Variants in PIKFYVE observed in about 807,000 individuals in gnomAD.
PIKFYVE encodes 1-phosphatidylinositol 3-phosphate 5-kinase.
Under a neutral mutation model 257.9 loss-of-function variants are expected in PIKFYVE, and 122 were observed. That is an observed-to-expected ratio of 0.47 (90% CI 0.41 to 0.55). PIKFYVE has a LOEUF of 0.55. Among genes scored for constraint, PIKFYVE ranks in the 20% least tolerant of loss-of-function variants. The pLI is 0.00. For missense variants in PIKFYVE, 2,160 were observed against 2,536.6 expected (o/e 0.85, Z 3.19); for synonymous variants, 892 against 868.9 (o/e 1.03, Z -0.47).
chr2:208,313,613 C>G (rs928470743), intron 13 of PIKFYVE, among the ~76,000 whole-genome samples: 1 of 144,994 alleles, frequency 6.9e-6, no homozygotes, highest in African/African-American at 2.6e-5. Context: ...GATGGAGTCT[C>G]GCTCTGTCAC....
In PIKFYVE at chr2:208,357,657, G is replaced by A. The variant is rs1311475250; in HGVS notation, c.*2352G>A. 1 of 152,182 alleles carries A rather than the reference G, an allele frequency of 6.6e-6. No homozygotes were observed. The highest frequency in any genetic ancestry group is 2.4e-5 in the African/African-American group (1 of 41,432). 9.4% of individuals were successfully genotyped at this position (152,182 alleles called of 1,614,324 possible). ...GAAATATACAATTTATTTCTATTGA[G>A]TGGTAGAACTATATGTCTGGTCCCT... is the stretch of plus-strand genomic sequence containing the variant. On this transcript the variant is annotated 3_prime_UTR_variant, in exon 42 of 42. Coordinates refer to ENST00000264380, the MANE Select transcript of PIKFYVE (RefSeq NM_015040.4).
chr2:208,274,182 G>A (rs1689809208), intron 3 of PIKFYVE: 1 of 1,003,840 alleles, frequency 1.0e-6, no homozygotes, highest in South Asian at 1.4e-5. Flanking sequence ...TTGGCCTTCT[G>A]TCCTTGTTGG....
At chr2:208,307,700 A>G (rs1457961413) in intron 12 of PIKFYVE, among the ~76,000 whole-genome samples, 1 of 152,182 alleles carries the variant, frequency 6.6e-6, no homozygotes, top group Non-Finnish European at 1.5e-5. Flanking sequence ...GGCCACCAGC[A>G]TTGGTTAAGC....
chr2:208,342,794 CTT>C (rs35986928), intron 32 of PIKFYVE, 145 bp downstream of exon 32: 5,975 of 372,614 alleles, frequency 0.016, no homozygotes, highest in East Asian at 0.024. Context: ...ATAGCTTGTT[CTT>C]TTTTTTTTTT....
intron 33 of PIKFYVE, 146 bp from the exon 34 acceptor site, chr2:208,345,904 G>A (rs1036179141): frequency 1.6e-6 from 1 of 635,156 alleles, no homozygotes; most frequent in Non-Finnish European, 2.8e-6. Context: ...CTGTGTTTAT[G>A]TAAATTATGA....
rs1321860774 is a variant in PIKFYVE, at chr2:208,326,016, A to T, written c.3205A>T (p.Thr1069Ser). Residue 1069 changes from threonine to serine, a missense_variant, in exon 20 of 42, where the codon ACT (threonine) becomes TCT (serine). Thr to Ser is a moderately conservative substitution (Grantham distance 58). Around this residue, in one of 12 missense-constraint regions of PIKFYVE, gnomAD observed 522 missense variants for 514.6 expected, o/e 1.01. Transcript: ENST00000264380. ...VITFREPFLL[T>S]EKGMRCSTRD... ...CACATTCCGAGAACCCTTTCTTTTA[A>T]CTGAAAAGGGGATGAGATGCTCTAC... is the stretch of plus-strand genomic sequence containing the variant. The T allele has an allele frequency of 2.5e-6, 4 of 1,614,158 alleles. No individual in the cohort carries two copies. The highest frequency in any genetic ancestry group is 2.2e-5 in the South Asian group (2 of 91,088).
intron 2 of PIKFYVE, among the ~76,000 whole-genome samples, chr2:208,273,105 C>T (rs10186350): frequency 0.14 from 21,673 of 152,152 alleles, 1,659 homozygotes; most frequent in African/African-American, 0.18. Context: ...CTCCTTTGTA[C>T]TGGGAACTGT....
At chr2:208,277,141 T>C (rs1480277358) in intron 4 of PIKFYVE, among the ~76,000 whole-genome samples, 3 of 152,226 alleles carry the variant, frequency 2.0e-5, no homozygotes, top group East Asian at 3.8e-4. Context: ...GGCTTCCATT[T>C]TTCCTCATGG....
At chr2:208,285,167 C>T (rs773509279) in intron 5 of PIKFYVE, among the ~76,000 whole-genome samples, 1 of 152,218 alleles carries the variant, frequency 6.6e-6, no homozygotes, top group Non-Finnish European at 1.5e-5. Context: ...ACAGTCTTGG[C>T]TCACTGCAAC....
At chr2:208,306,122 A>G (rs1360273020) in intron 12 of PIKFYVE, among the ~76,000 whole-genome samples, 1 of 152,228 alleles carries the variant, frequency 6.6e-6, no homozygotes, top group Non-Finnish European at 1.5e-5. Context: ...AGATGTGGTA[A>G]AATGGTACTG....
At chr2:208,314,482 T>A in intron 14 of PIKFYVE, 59 bp downstream of exon 14, 1 of 1,526,972 alleles carries the variant, frequency 6.5e-7, no homozygotes, top group Non-Finnish European at 8.9e-7. Flanking sequence ...AGTGACTTGA[T>A]AAGCATATGC....
chr2:208,276,670 A>G, intron 3 of PIKFYVE, 42 bp from the exon 4 acceptor site: 1 of 1,380,640 alleles, frequency 7.2e-7, no homozygotes, highest in South Asian at 1.2e-5. Context: ...TATAGATACT[A>G]GGGACTGTTA....
At chr2:208,306,298 AG>A (rs1574540945) in intron 12 of PIKFYVE, among the ~76,000 whole-genome samples, 2 of 152,346 alleles carry the variant, frequency 1.3e-5, no homozygotes, top group East Asian at 3.9e-4. Context: ...GTATGAAAGG[AG>A]GGAAAAGCAG....
Position 208,352,639 on chromosome 2 carries a change from CCTT to C in PIKFYVE, c.5716-12_5716-10del, listed in dbSNP as rs764230382. The C allele has an allele frequency of 1.2e-6, 2 of 1,612,038 alleles. No individual in the cohort carries two copies. Among genetic ancestry groups the C allele is most frequent in the Admixed American group, 3.3e-5 (2 of 59,928 alleles). The stretch of plus-strand genomic sequence containing the variant: ...CCTTTTTGATAAGAATTTATTTTGA[CCTT>C]CTCTTGATTAGAGGCCCACGGCGTT... On this transcript the variant is annotated splice_polypyrimidine_tract_variant and intron_variant, in intron 38 of 41. Transcript: ENST00000264380.
At chr2:208,335,167 TG>T in intron 24 of PIKFYVE, 138 bp from the exon 25 acceptor site, 1 of 681,234 alleles carries the variant, frequency 1.5e-6, no homozygotes, top group East Asian at 2.6e-5. Context: ...AAATTATTTT[TG>T]TGATTGTTTT....
At chr2:208,275,692 CT>C (rs1266274897) in intron 3 of PIKFYVE, among the ~76,000 whole-genome samples, 1 of 151,948 alleles carries the variant, frequency 6.6e-6, no homozygotes, top group South Asian at 2.1e-4. Context: ...CTTTGTAATT[CT>C]TTTTTTTCCC....
chr2:208,287,271 T>TTTTTC (rs1691697771), intron 6 of PIKFYVE, among the ~76,000 whole-genome samples: 1 of 2,352 alleles, frequency 4.3e-4, no homozygotes, highest in South Asian at 0.033. Context: ...TTTCTTTTTC[T>TTTTTC]TTTTTTTTTT....
chr2:208,344,503 G>A (rs879635790), intron 32 of PIKFYVE, among the ~76,000 whole-genome samples: 7 of 152,096 alleles, frequency 4.6e-5, no homozygotes, highest in Non-Finnish European at 1.0e-4. Context: ...AGGTAAGAAA[G>A]GTAAGAGAGT....
rs754728736 is a variant in PIKFYVE at position 208,324,915 on chromosome 2, T to C, written c.2336T>C (p.Val779Ala). 3 of 1,613,982 alleles carry C rather than the reference T, an allele frequency of 1.9e-6. No individual in the cohort carries two copies. Among genetic ancestry groups the C allele is most frequent in the Non-Finnish European group, 2.5e-6 (3 of 1,179,868 alleles). ...CAATGTTTTTCTGTTTTGTAGCAAG[T>C]TTTGGAACGAATCAGTCGAATGACC... ...ITLVINVKSQ[V>A]LERISRMTQG... Residue 779 changes from valine to alanine, a missense_variant, in exon 19 of 42, where the codon GTT (valine) becomes GCT (alanine). Physicochemically the swap from Val to Ala is moderately conservative, Grantham distance 64. Coordinates refer to ENST00000264380, the MANE Select transcript of PIKFYVE (RefSeq NM_015040.4).
Sources: gnomAD v4.1 joint callset for allele counts (sites outside exome capture counted in the v4.1 genomes callset) on GRCh38, gnomAD v4.1.1 for gene constraint, gnomAD v4.1.1 regional missense constraint, MANE v1.5 for transcripts, NCBI Gene and HGNC (gene_info 2026-07-23, HGNC 2026-07-21) for gene names.